Variants in CYP4X1 observed in about 807,000 individuals in gnomAD.
CYP4X1 encodes the protein cytochrome P450 family 4 subfamily X member 1, also known as cytochrome P450 4X1.
In CYP4X1, 44 loss-of-function variants were observed where a neutral mutation model predicts 57.9. The ratio of observed to expected loss-of-function variants is 0.76; its 90% confidence interval spans 0.60 to 0.98. The LOEUF (loss-of-function observed/expected upper bound fraction) is 0.98, where lower values mean the gene tolerates loss of function less well. Among genes scored for constraint, CYP4X1 ranks in the 50% least tolerant of loss-of-function variants. CYP4X1 has a pLI of 0.00. For missense variants in CYP4X1, 532 were observed against 623.9 expected (o/e 0.85, Z 1.57); for synonymous variants, 227 against 228.6 (o/e 0.99, Z 0.06).
the CYP4X1 span, among the ~76,000 whole-genome samples, chr1:46,979,414 C>T: frequency 9.2e-5 from 14 of 152,048 alleles, no homozygotes; most frequent in African/African-American, 1.9e-4. Context: ...CACCCTCCCA[C>T]GACTAAACCA....
At chr1:47,020,699 C>CAG (rs1643986676), upstream of CYP4X1, among the ~76,000 whole-genome samples, 1 of 152,170 alleles carries the variant, frequency 6.6e-6, no homozygotes, top group Non-Finnish European at 1.5e-5. Context: ...GCAATGCTAT[C>CAG]CTGGGATACA....
upstream of CYP4X1, among the ~76,000 whole-genome samples, chr1:47,023,072 AAGAGCATATG>A (rs1376794394): frequency 3.3e-5 from 5 of 152,248 alleles, no homozygotes; most frequent in Non-Finnish European, 7.3e-5. Flanking sequence ...CTGAACCCAG[AAGAGCATATG>A]CTCGGTTTAA....
chr1:46,982,323 A>G, the CYP4X1 span, among the ~76,000 whole-genome samples: 1 of 152,204 alleles, frequency 6.6e-6, no homozygotes, highest in African/African-American at 2.4e-5. Context: ...GATAACATCC[A>G]GGTTTTGAAT....
downstream of CYP4X1, among the ~76,000 whole-genome samples, chr1:47,053,980 T>C (rs1335396277): frequency 6.6e-6 from 1 of 152,028 alleles, no homozygotes; most frequent in Non-Finnish European, 1.5e-5. Flanking sequence ...TTTTTAGACA[T>C]GAAGTCCTTG....
intron 9 of CYP4X1, 125 bp downstream of exon 9, chr1:47,046,725 G>T: frequency 1.4e-6 from 2 of 1,402,972 alleles, no homozygotes; most frequent in Middle Eastern, 2.2e-4. Context: ...TGTGACTTAG[G>T]TTTTATCACC....
chr1:47,041,883 G>GT (rs1167125231), intron 8 of CYP4X1, among the ~76,000 whole-genome samples: 1 of 151,754 alleles, frequency 6.6e-6, no homozygotes. Flanking sequence ...TTTTCTCTAT[G>GT]TTTTTTTCTA....
chr1:47,040,492 T>C (rs2148512647), intron 8 of CYP4X1, among the ~76,000 whole-genome samples: 1 of 152,242 alleles, frequency 6.6e-6, no homozygotes, highest in East Asian at 1.9e-4. Flanking sequence ...TCAACTCAAT[T>C]GAAACATTTG....
chr1:47,037,594 A>T (rs1158963396), intron 6 of CYP4X1, among the ~76,000 whole-genome samples: 2 of 152,118 alleles, frequency 1.3e-5, no homozygotes, highest in Non-Finnish European at 2.9e-5. Flanking sequence ...CTTGTTGTCA[A>T]GATGTGTGCA....
chr1:47,047,380 C>T (rs1260282786), intron 9 of CYP4X1, among the ~76,000 whole-genome samples: 2 of 152,196 alleles, frequency 1.3e-5, no homozygotes, highest in African/African-American at 4.8e-5. Flanking sequence ...CACCTACAGC[C>T]TGTTACTGTA....
the CYP4X1 span, among the ~76,000 whole-genome samples, chr1:46,996,314 G>C: frequency 6.6e-6 from 1 of 152,194 alleles, no homozygotes; most frequent in African/African-American, 2.4e-5. Context: ...AGGAGATAAT[G>C]ATTAGGTTGA....
At chr1:47,048,470 C>A in intron 9 of CYP4X1, 95 bp from the exon 10 acceptor site, 1 of 1,317,290 alleles carries the variant, frequency 7.6e-7, no homozygotes, top group Non-Finnish European at 1.1e-6. Flanking sequence ...CAGGAGCTAG[C>A]TCTTCCCTTC....
chr1:47,019,400 A>G (rs1009251594), upstream of CYP4X1, among the ~76,000 whole-genome samples: 4 of 152,182 alleles, frequency 2.6e-5, no homozygotes, highest in Non-Finnish European at 2.9e-5. Flanking sequence ...GAATTCCTTC[A>G]TTATCTTGTC....
chr1:47,050,198 G>A lies in CYP4X1; in HGVS notation c.*24G>A, dbSNP rs200379739. The A allele has an allele frequency of 7.0e-5, 113 of 1,611,474 alleles. No individual in the cohort carries two copies. The highest frequency in any genetic ancestry group is 1.4e-4 in the South Asian group (13 of 90,824). On this transcript the variant is annotated 3_prime_UTR_variant, in exon 12 of 12. Coordinates refer to ENST00000371901, the MANE Select transcript of CYP4X1 (RefSeq NM_178033.2). ...AGATCTCAGGGTACAATGATTAAACGTACTTTGTTTTTCGAAGTTAAATTT... is the reference window on the plus strand; with the variant it reads ...AGATCTCAGGGTACAATGATTAAACATACTTTGTTTTTCGAAGTTAAATTT...
the CYP4X1 span, among the ~76,000 whole-genome samples, chr1:46,963,077 C>T: frequency 6.6e-6 from 1 of 152,132 alleles, no homozygotes; most frequent in African/African-American, 2.4e-5. Flanking sequence ...ATTGCAACCC[C>T]TGCCTTTTTT....
chr1:46,980,934 G>C, the CYP4X1 span, among the ~76,000 whole-genome samples: 1 of 138,402 alleles, frequency 7.2e-6, no homozygotes, highest in African/African-American at 2.6e-5. Flanking sequence ...GCCATATGTA[G>C]AAAGCTGAAA....
Position 47,039,394 on chromosome 1 carries a change from C to T in CYP4X1, c.935C>T (p.Thr312Ile), listed in dbSNP as rs560487221. The change falls in exon 8 of 12, where the codon ACA (threonine) becomes ATA (isoleucine). Residue 312 changes from threonine (T) to isoleucine (I), a missense_variant. Transcript: ENST00000371901. ...SDIDVHSEVS[T>I]FLLAGHDTLA... ...ATTGATGTACACTCTGAAGTGAGCA[C>T]ATTCCTGTTGGCAGGACATGACACC... 1.2e-6 allele frequency: 2 copies of T among 1,613,520 alleles called. No homozygotes were observed. Among genetic ancestry groups the T allele is most frequent in the South Asian group, 2.2e-5 (2 of 90,988 alleles).
chr1:46,968,285 G>A, the CYP4X1 span, among the ~76,000 whole-genome samples: 1 of 151,984 alleles, frequency 6.6e-6, no homozygotes, highest in Non-Finnish European at 1.5e-5. Flanking sequence ...CCTCCTTGTT[G>A]TCCAACAATC....
the CYP4X1 span, among the ~76,000 whole-genome samples, chr1:46,967,315 G>T: frequency 2.0e-5 from 3 of 152,186 alleles, no homozygotes; most frequent in African/African-American, 4.8e-5. Context: ...ATAAATTTCT[G>T]CTGTTTTAAG....
At chr1:47,040,730 G>A (rs1190103458) in intron 8 of CYP4X1, among the ~76,000 whole-genome samples, 2 of 151,962 alleles carry the variant, frequency 1.3e-5, no homozygotes, top group Non-Finnish European at 2.9e-5. Flanking sequence ...TTTGATATAT[G>A]TATACACTGT....
Sources: allele counts gnomAD v4.1 joint callset (sites outside exome capture counted in the v4.1 genomes callset), GRCh38; gene constraint gnomAD v4.1.1; transcripts MANE v1.5; gene names NCBI Gene and HGNC (gene_info 2026-07-23, HGNC 2026-07-21).